USP15: variants seen among roughly 807,000 people sequenced by gnomAD.
USP15 encodes ubiquitin specific peptidase 15, also known as ubiquitin carboxyl-terminal hydrolase 15.
A neutral mutation model predicts 127.1 loss-of-function variants in USP15; 18 were observed. That is an observed-to-expected ratio of 0.14 (90% CI 0.10 to 0.21). The LOEUF is 0.21. Ranked by LOEUF, USP15 falls within the 10% of genes least tolerant of loss-of-function variation. The pLI is 1.00. For missense variants in USP15, 805 were observed against 1,159.9 expected, an observed-to-expected ratio of 0.69 and a Z score of 4.44; for synonymous variants, 364 against 393.7, an observed-to-expected ratio of 0.92 and a Z score of 0.89.
chr12:62,312,572 A>G (rs2137242200), intron 3 of USP15, among the ~76,000 whole-genome samples: 1 of 151,780 alleles, frequency 6.6e-6, no homozygotes, highest in East Asian at 1.9e-4. Context: ...AAGGAGCCAG[A>G]TTTCATCATG....
intron 20 of USP15, among the ~76,000 whole-genome samples, chr12:62,398,894 C>T (rs2067584316): frequency 6.6e-6 from 1 of 152,112 alleles, no homozygotes; most frequent in African/African-American, 2.4e-5. Flanking sequence ...CCTGCTTCTC[C>T]CAGCAGTTTT....
chr12:62,293,170 A>G (rs920387052), intron 1 of USP15, among the ~76,000 whole-genome samples: 7 of 152,182 alleles, frequency 4.6e-5, no homozygotes, highest in African/African-American at 1.7e-4. Flanking sequence ...GCACTCTGCC[A>G]CAGGAATGAA....
chr12:62,321,697 C>CTGTA, intron 5 of USP15, 88 bp downstream of exon 5: 1 of 1,113,758 alleles, frequency 9.0e-7, no homozygotes, highest in Non-Finnish European at 1.2e-6. Context: ...ATATAATGGG[C>CTGTA]TGTACTGTTT....
chr12:62,284,453 C>T (rs1413793508), intron 1 of USP15, among the ~76,000 whole-genome samples: 3 of 152,172 alleles, frequency 2.0e-5, no homozygotes. Context: ...TCTGCATATC[C>T]ACTTTTAGGG....
intron 1 of USP15, among the ~76,000 whole-genome samples, chr12:62,262,083 C>CA (rs2063081974): frequency 6.6e-6 from 1 of 151,714 alleles, no homozygotes; most frequent in Admixed American, 6.6e-5. Context: ...TACAAAAATA[C>CA]AAAAAAATTA....
chr12:62,404,240 T>C lies in USP15; in HGVS notation c.2811T>C (p.Ser937=). The change falls in exon 22 of 22, where the codon AGT becomes AGC. Residue 937 remains serine (S), a synonymous_variant. Coordinates refer to ENST00000280377, the MANE Select transcript of USP15 (RefSeq NM_001252078.2). ...TCTACCAGAGACAAGACACTTTCAGTGGAACTGGCTTTTTTCCTCTTGACC... is the reference window on the plus strand; with the variant it reads ...TCTACCAGAGACAAGACACTTTCAGCGGAACTGGCTTTTTTCCTCTTGACC... The part of the protein sequence containing the change: ...VLFYQRQDTF[S]GTGFFPLDRE... 1 of 1,613,278 alleles carries C rather than the reference T, an allele frequency of 6.2e-7. No homozygotes were observed.
chr12:62,362,065 G>C (rs568421930), intron 8 of USP15, among the ~76,000 whole-genome samples: 2 of 151,986 alleles, frequency 1.3e-5, no homozygotes, highest in African/African-American at 4.8e-5. Flanking sequence ...AGAGGTCTGT[G>C]AGTTAGGGCA....
At chr12:62,301,183 T>C (rs1565833196) in intron 2 of USP15, among the ~76,000 whole-genome samples, 1 of 152,124 alleles carries the variant, frequency 6.6e-6, no homozygotes, top group Non-Finnish European at 1.5e-5. Context: ...AACTGATCCA[T>C]ACCAAGTGTT....
At chr12:62,381,727 A>C (rs1325928518) in intron 9 of USP15, 64 bp downstream of exon 9, 1 of 1,516,022 alleles carries the variant, frequency 6.6e-7, no homozygotes, top group Non-Finnish European at 8.9e-7. Flanking sequence ...GTTCTTGGGG[A>C]TAGGGGGAGT....
rs566929843 is a variant in USP15, at chr12:62,260,604, G to A, written c.89+101G>A. On this transcript the variant is annotated intron_variant, in intron 1 of 21. Coordinates refer to ENST00000280377, the MANE Select transcript of USP15 (RefSeq NM_001252078.2). Reference sequence around the variant, plus strand: ...TTTCGCTAGTGACAGGTGCGGGCAGGTCCGGCGGCGGCCGCCGGGGCAGCG... The same window carrying A: ...TTTCGCTAGTGACAGGTGCGGGCAGATCCGGCGGCGGCCGCCGGGGCAGCG... The A allele has an allele frequency of 1.3e-5, 16 of 1,193,294 alleles. No homozygotes were observed. The East Asian group carries it at 3.4e-4, about 25-fold the overall frequency. 73.9% of individuals were successfully genotyped at this position (1,193,294 alleles called of 1,614,324 possible).
intron 6 of USP15, among the ~76,000 whole-genome samples, chr12:62,327,491 G>A (rs1281083505): frequency 2.0e-5 from 3 of 151,840 alleles, no homozygotes; most frequent in Admixed American, 6.6e-5. Context: ...TGTTTAGATT[G>A]CTATGTACTT....
At chr12:62,271,747 A>G (rs1212423909) in intron 1 of USP15, among the ~76,000 whole-genome samples, 1 of 151,934 alleles carries the variant, frequency 6.6e-6, no homozygotes, top group African/African-American at 2.4e-5. Flanking sequence ...AGACATACAC[A>G]TTTAAGATAT....
intron 7 of USP15, among the ~76,000 whole-genome samples, chr12:62,354,547 G>A (rs1463172841): frequency 6.6e-6 from 1 of 151,776 alleles, no homozygotes; most frequent in Non-Finnish European, 1.5e-5. Context: ...TTTATTATAT[G>A]CCAAAGGAAG....
intron 2 of USP15, among the ~76,000 whole-genome samples, chr12:62,299,033 A>G (rs960733350): frequency 6.6e-6 from 1 of 151,348 alleles, no homozygotes; most frequent in African/African-American, 2.4e-5. Context: ...GCCACCCCCC[A>G]CTCTAGACAA....
At chr12:62,293,459 C>G (rs1278355759) in intron 1 of USP15, among the ~76,000 whole-genome samples, 1 of 152,118 alleles carries the variant, frequency 6.6e-6, no homozygotes, top group East Asian at 1.9e-4. Flanking sequence ...CAGGTTCAAG[C>G]AATTCTCCTG....
chr12:62,390,768 G>A, intron 14 of USP15, 96 bp from the exon 15 acceptor site: 1 of 734,326 alleles, frequency 1.4e-6, no homozygotes. Context: ...CACTGTTACT[G>A]CATTAAAAAG....
In USP15 at chr12:62,414,296, G is replaced by A. The variant is rs1241781645; in HGVS notation, c.*9921G>A. 2 of 152,126 alleles carry A rather than the reference G, an allele frequency of 1.3e-5. No individual in the cohort carries two copies. Among genetic ancestry groups the A allele is most frequent in the Admixed American group, 6.6e-5 (1 of 15,260 alleles). 9.4% of individuals were successfully genotyped at this position (152,126 alleles called of 1,614,324 possible). On this transcript the variant is annotated 3_prime_UTR_variant, in exon 22 of 22. Transcript: ENST00000280377. ...AAAAACAAAAACAATTATCTTCAAA[G>A]CATGATAATAAAGTGAAGCAGAATA...
chr12:62,269,492 C>CA (rs1348232463), intron 1 of USP15, among the ~76,000 whole-genome samples: 1 of 152,086 alleles, frequency 6.6e-6, no homozygotes, highest in Non-Finnish European at 1.5e-5. Flanking sequence ...AATATTGGCT[C>CA]ACATTGCCCT....
intron 14 of USP15, 107 bp from the exon 15 acceptor site, chr12:62,390,757 C>T (rs79045331): frequency 0.036 from 21,537 of 604,540 alleles, 500 homozygotes; most frequent in African/African-American, 0.057. Context: ...TACTAAGTGA[C>T]CACTGTTACT....
Sources: gnomAD v4.1 joint callset for allele counts (sites outside exome capture counted in the v4.1 genomes callset) on GRCh38, gnomAD v4.1.1 for gene constraint, MANE v1.5 for transcripts, NCBI Gene and HGNC (gene_info 2026-07-23, HGNC 2026-07-21) for gene names.